Variants in GNAZ observed in about 807,000 individuals in gnomAD.
The protein encoded by GNAZ is guanine nucleotide-binding protein G(z) subunit alpha.
A neutral mutation model predicts 25.4 loss-of-function variants in GNAZ; 3 were observed. The observed-to-expected ratio is 0.12, with a 90% CI of 0.05 to 0.30. The LOEUF (loss-of-function observed/expected upper bound fraction) is 0.30. Ranked by LOEUF, GNAZ falls within the 10% of genes least tolerant of loss-of-function variation. The pLI, the probability that GNAZ is intolerant of heterozygous loss-of-function variation, is 1.00. For synonymous variants in GNAZ, 211 were observed against 205.7 expected, an observed-to-expected ratio of 1.03 and a Z score of -0.22; for missense variants, 241 against 501.8, an observed-to-expected ratio of 0.48 and a Z score of 4.97.
intron 1 of GNAZ, among the ~76,000 whole-genome samples, chr22:23,082,397 T>G (rs1379797713): frequency 5.9e-5 from 8 of 135,024 alleles, no homozygotes; most frequent in African/African-American, 2.2e-4. Flanking sequence ...TTTTTTTTTG[T>G]ATCTTTAGTA....
chr22:23,073,850 G>A (rs5996463), intron 1 of GNAZ, among the ~76,000 whole-genome samples: 116 of 152,168 alleles, frequency 7.6e-4, no homozygotes, highest in African/African-American at 2.7e-3. Context: ...CACACCAGAC[G>A]GGCAGGGGTT....
intron 2 of GNAZ, among the ~76,000 whole-genome samples, chr22:23,119,592 A>G (rs183805830): frequency 1.5e-3 from 221 of 152,296 alleles, no homozygotes; most frequent in Non-Finnish European, 2.5e-3. Flanking sequence ...TTCCTGTTCT[A>G]TAAAGATTAC....
At chr22:23,087,041 G>A (rs903625626) in intron 1 of GNAZ, among the ~76,000 whole-genome samples, 8 of 152,228 alleles carry the variant, frequency 5.3e-5, no homozygotes, top group Admixed American at 1.3e-4. Flanking sequence ...CTCATTCGGC[G>A]AGGAGGAAAC....
At chr22:23,092,630 T>G (rs1387737874) in intron 1 of GNAZ, among the ~76,000 whole-genome samples, 5 of 152,172 alleles carry the variant, frequency 3.3e-5, no homozygotes, top group Non-Finnish European at 7.3e-5. Context: ...CGCACACTGA[T>G]CGAAGACTGC....
At chr22:23,120,035 C>G (rs1048104208) in intron 2 of GNAZ, among the ~76,000 whole-genome samples, 1 of 152,184 alleles carries the variant, frequency 6.6e-6, no homozygotes, top group South Asian at 2.1e-4. Flanking sequence ...GGCCCACACT[C>G]GGGAGATGTT....
chr22:23,117,374 GC>G (rs1444306518), intron 2 of GNAZ, among the ~76,000 whole-genome samples: 1 of 152,234 alleles, frequency 6.6e-6, no homozygotes, highest in African/African-American at 2.4e-5. Context: ...GGCCACAGGA[GC>G]CTCCCAAAGA....
intron 2 of GNAZ, among the ~76,000 whole-genome samples, chr22:23,112,557 G>T (rs917656160): frequency 6.6e-6 from 1 of 152,212 alleles, no homozygotes; most frequent in Admixed American, 6.5e-5. Context: ...TTAGCAGGAG[G>T]CTGGGCTGAG....
Position 23,095,676 on chromosome 22 carries a change from G to A in GNAZ, c.-20G>A. ...GTGCCCCATCCCGTGCTCCTTGTCT[G>A]GGCCCGCTGCTGCCAGACCATGGGA... On this transcript the variant is annotated 5_prime_UTR_variant, in exon 2 of 3. Transcript: ENST00000615612. The A allele has an allele frequency of 6.3e-7, 1 of 1,586,896 alleles. No homozygotes were observed. The highest frequency in any genetic ancestry group is 8.6e-7 in the Non-Finnish European group (1 of 1,167,634).
At chr22:23,081,803 C>T (rs1206951888) in intron 1 of GNAZ, among the ~76,000 whole-genome samples, 1 of 108,682 alleles carries the variant, frequency 9.2e-6, no homozygotes, top group Non-Finnish European at 1.7e-5. Flanking sequence ...GCCTGGGCAA[C>T]AGAGTGAGAT....
chr22:23,072,055 TG>T (rs1393287955), intron 1 of GNAZ, among the ~76,000 whole-genome samples: 1 of 152,054 alleles, frequency 6.6e-6, no homozygotes, highest in Non-Finnish European at 1.5e-5. Flanking sequence ...CCCCATGAGC[TG>T]GGGTGGGCCT....
rs990368009 is a variant in GNAZ, at chr22:23,071,464, C to G, written c.-450+894C>G. Among the ~76,000 whole-genome samples the G allele has an allele frequency of 1.3e-4, 20 of 152,214 alleles. No homozygotes were observed. The highest frequency in any genetic ancestry group is 4.6e-4 in the African/African-American group (19 of 41,460). ...GAGAGGTCTGTCTTGCTTGGGGAGA[C>G]AGCTGAGCCCCTGACCGGCTCCTTT... On this transcript the variant is annotated intron_variant, in intron 1 of 2. Coordinates refer to ENST00000615612, the MANE Select transcript of GNAZ (RefSeq NM_002073.4). The surrounding 1 kb of genome is among the most constrained non-coding windows in gnomAD (Gnocchi z 4.1).
intron 1 of GNAZ, among the ~76,000 whole-genome samples, chr22:23,083,581 G>A (rs1601766918): frequency 6.6e-6 from 1 of 152,168 alleles, no homozygotes; most frequent in East Asian, 1.9e-4. Flanking sequence ...GGGAGGGAGG[G>A]TAGAGCAGGA....
chr22:23,109,694 A>T (rs1355650394), intron 2 of GNAZ, among the ~76,000 whole-genome samples: 1 of 152,220 alleles, frequency 6.6e-6, no homozygotes, highest in East Asian at 1.9e-4. Flanking sequence ...AGCATCTCAG[A>T]TGCTCACAGA....
chr22:23,094,816 G>A (rs1268288208), intron 1 of GNAZ, among the ~76,000 whole-genome samples: 4 of 152,254 alleles, frequency 2.6e-5, no homozygotes, highest in Non-Finnish European at 5.9e-5. Flanking sequence ...TCAGGGAGGC[G>A]CTCAGTTATC....
intron 1 of GNAZ, among the ~76,000 whole-genome samples, chr22:23,077,643 C>A (rs2068543327): frequency 6.6e-6 from 1 of 152,134 alleles, no homozygotes; most frequent in Non-Finnish European, 1.5e-5. Flanking sequence ...AGGGCTGAGG[C>A]ATGTAAAGTA....
chr22:23,119,672 A>G (rs949453124), intron 2 of GNAZ, among the ~76,000 whole-genome samples: 2 of 152,240 alleles, frequency 1.3e-5, no homozygotes, highest in African/African-American at 4.8e-5. Flanking sequence ...GTGAAGGCTC[A>G]GCCTGCGTCA....
intron 1 of GNAZ, among the ~76,000 whole-genome samples, chr22:23,093,438 G>A (rs977764004): frequency 6.6e-6 from 1 of 152,188 alleles, no homozygotes; most frequent in East Asian, 1.9e-4. Context: ...AGGCCAGGAC[G>A]GGCCCTCCTC....
Position 23,095,518 on chromosome 22 carries a change from C to T in GNAZ, c.-178C>T, listed in dbSNP as rs1285259799. ...CCGCCCGCTGCACAGAGCGCCATGC[C>T]GGCTGGAGAAGAGGCGCTGGGGCAG... is the stretch of plus-strand genomic sequence containing the variant. On this transcript the variant is annotated 5_prime_UTR_variant, in exon 2 of 3. Coordinates refer to ENST00000615612, the MANE Select transcript of GNAZ (RefSeq NM_002073.4). 8 of 665,066 alleles carry T rather than the reference C, an allele frequency of 1.2e-5. No individual in the cohort carries two copies. The highest frequency in any genetic ancestry group is 5.4e-5 in the African/African-American group (3 of 55,082). The allele number at this position is 665,066 out of a possible 1,614,324, so 41.2% of individuals were successfully genotyped here.
chr22:23,111,957 C>A (rs899774448), intron 2 of GNAZ, among the ~76,000 whole-genome samples: 5 of 152,222 alleles, frequency 3.3e-5, no homozygotes, highest in Non-Finnish European at 7.3e-5. Context: ...AGCCAGGGAG[C>A]CTGGTGCCCA....
Sources: gnomAD v4.1 joint callset for allele counts (sites outside exome capture counted in the v4.1 genomes callset) on GRCh38, gnomAD v4.1.1 for gene constraint, Gnocchi (gnomAD v3.1) non-coding constraint, MANE v1.5 for transcripts, NCBI Gene and HGNC (gene_info 2026-07-23, HGNC 2026-07-21) for gene names.